Variants in FNDC3B observed in about 807,000 individuals in gnomAD.
The protein encoded by FNDC3B is fibronectin type III domain containing 3B.
Under a neutral mutation model 151.5 loss-of-function variants are expected in FNDC3B, and 12 were observed. That is an observed-to-expected ratio of 0.08 (90% confidence interval 0.05 to 0.13). The LOEUF is 0.13. Among genes scored for constraint, FNDC3B ranks in the 10% least tolerant of loss-of-function variants. FNDC3B has a pLI of 1.00. For missense variants in FNDC3B, 1,214 were observed against 1,505.3 expected, an observed-to-expected ratio of 0.81 and a Z score of 3.20; for synonymous variants, 528 against 549.0, an observed-to-expected ratio of 0.96 and a Z score of 0.54.
At chr3:172,240,439 A>G (rs1194332723) in intron 4 of FNDC3B, among the ~76,000 whole-genome samples, 3 of 152,228 alleles carry the variant, frequency 2.0e-5, no homozygotes, top group African/African-American at 7.2e-5. Context: ...GGGTATTAAA[A>G]GCATAGCAGT....
chr3:172,284,408 T>C (rs751407352), intron 6 of FNDC3B, among the ~76,000 whole-genome samples: 1 of 152,170 alleles, frequency 6.6e-6, no homozygotes, highest in Non-Finnish European at 1.5e-5. Flanking sequence ...CTCAATCTTA[T>C]GTTTGTTAGT....
At chr3:172,194,177 G>A (rs566991109) in intron 3 of FNDC3B, among the ~76,000 whole-genome samples, 4 of 152,138 alleles carry the variant, frequency 2.6e-5, no homozygotes, top group East Asian at 1.9e-4. Context: ...CCGAGATCAC[G>A]CCACTGCACT....
At chr3:172,111,428 A>T (rs1240382188) in intron 1 of FNDC3B, among the ~76,000 whole-genome samples, 1 of 152,220 alleles carries the variant, frequency 6.6e-6, no homozygotes, top group African/African-American at 2.4e-5. Flanking sequence ...ACACCGAATT[A>T]TAAGACCTGT....
intron 22 of FNDC3B, among the ~76,000 whole-genome samples, chr3:172,353,466 T>C (rs907797752): frequency 4.6e-5 from 7 of 152,206 alleles, no homozygotes; most frequent in Admixed American, 1.3e-4. Context: ...GTAAAACTTT[T>C]AAGATTTCTA....
chr3:172,288,952 C>T (rs1185419823), intron 7 of FNDC3B, among the ~76,000 whole-genome samples: 1 of 152,186 alleles, frequency 6.6e-6, no homozygotes. Context: ...CTTGTTCGTG[C>T]CTCCTGCTTT....
intron 3 of FNDC3B, among the ~76,000 whole-genome samples, chr3:172,171,845 C>T (rs1292740398): frequency 6.6e-6 from 1 of 151,088 alleles, no homozygotes; most frequent in Non-Finnish European, 1.5e-5. Flanking sequence ...CAGATGTGTA[C>T]AGGGTTTTAC....
intron 6 of FNDC3B, among the ~76,000 whole-genome samples, chr3:172,267,347 G>A (rs1728978439): frequency 6.6e-6 from 1 of 152,040 alleles, no homozygotes; most frequent in South Asian, 2.1e-4. Context: ...GTAGAGACAG[G>A]GTTTCACCAT....
At chr3:172,275,157 C>T (rs1414773681) in intron 6 of FNDC3B, among the ~76,000 whole-genome samples, 3 of 152,138 alleles carry the variant, frequency 2.0e-5, no homozygotes, top group Admixed American at 1.3e-4. Context: ...AGTTGGAGAT[C>T]AGATGAATGT....
At chr3:172,367,590 C>T (rs989210804) in intron 23 of FNDC3B, among the ~76,000 whole-genome samples, 2 of 152,192 alleles carry the variant, frequency 1.3e-5, no homozygotes, top group Non-Finnish European at 2.9e-5. Flanking sequence ...ACAGGATCAG[C>T]TTGTGCATTT....
rs1726442693 is a variant in FNDC3B at position 172,224,339 on chromosome 3, C to T, written c.188-2532C>T. Among the ~76,000 whole-genome samples, 4 of 152,192 alleles carry T rather than the reference C, an allele frequency of 2.6e-5. No homozygotes were observed. The Middle Eastern group carries it at 0.01, about 388-fold the overall frequency. On this transcript the variant is annotated intron_variant, in intron 3 of 25. Transcript: ENST00000415807. ...GAATTAAATGGGGTCATGCAATGAT[C>T]GATTTTTATGCCATTCTCTTCTTTT...
intron 2 of FNDC3B, among the ~76,000 whole-genome samples, chr3:172,120,279 G>A (rs1258760559): frequency 6.6e-6 from 1 of 152,144 alleles, no homozygotes; most frequent in Non-Finnish European, 1.5e-5. Context: ...AAGGATTAAG[G>A]TAAAATACTG....
intron 3 of FNDC3B, among the ~76,000 whole-genome samples, chr3:172,182,221 A>G (rs1723949188): frequency 6.6e-6 from 1 of 152,186 alleles, no homozygotes; most frequent in Admixed American, 6.5e-5. Context: ...GGCTCAGTGG[A>G]GGAGAACAAT....
At chr3:172,226,305 C>CA (rs199864393) in intron 3 of FNDC3B, among the ~76,000 whole-genome samples, 39,624 of 119,494 alleles carry the variant, frequency 0.33, 6,212 homozygotes, top group Middle Eastern at 0.46. Flanking sequence ...AACTCTGTCT[C>CA]AAAAAAAAAA....
intron 3 of FNDC3B, among the ~76,000 whole-genome samples, chr3:172,160,082 G>C (rs752337916): frequency 3.3e-5 from 5 of 152,172 alleles, no homozygotes; most frequent in Non-Finnish European, 7.3e-5. Context: ...CAGCCTTCTC[G>C]CCTGCCTGTA....
intron 3 of FNDC3B, among the ~76,000 whole-genome samples, chr3:172,155,995 A>C (rs1180435101): frequency 2.0e-5 from 3 of 152,208 alleles, no homozygotes; most frequent in Non-Finnish European, 4.4e-5. Context: ...AAAAGAAAAA[A>C]AATTGCCCAG....
intron 3 of FNDC3B, among the ~76,000 whole-genome samples, chr3:172,174,930 G>GCCCC (rs1163688070): frequency 6.8e-5 from 1 of 14,698 alleles, no homozygotes; most frequent in Non-Finnish European, 1.4e-4. Flanking sequence ...CCTTCCCCCC[G>GCCCC]CCACCCCCCC....
chr3:172,294,643 G>T (rs889028690), intron 7 of FNDC3B, among the ~76,000 whole-genome samples: 1 of 152,186 alleles, frequency 6.6e-6, no homozygotes, highest in Non-Finnish European at 1.5e-5. Flanking sequence ...CCATGCGGGG[G>T]TCTATCAATA....
chr3:172,251,989 C>T (rs887807581), intron 6 of FNDC3B, among the ~76,000 whole-genome samples: 1 of 152,146 alleles, frequency 6.6e-6, no homozygotes, highest in African/African-American at 2.4e-5. Flanking sequence ...AAATATGTTT[C>T]TGTTTAGTTT....
chr3:172,291,696 T>A (rs1730347991), intron 7 of FNDC3B, among the ~76,000 whole-genome samples: 1 of 152,208 alleles, frequency 6.6e-6, no homozygotes, highest in Non-Finnish European at 1.5e-5. Flanking sequence ...GAGATTGACT[T>A]TCTAGTTACG....
Sources: allele counts gnomAD v4.1 joint callset (sites outside exome capture counted in the v4.1 genomes callset), GRCh38; gene constraint gnomAD v4.1.1; transcripts MANE v1.5; gene names NCBI Gene and HGNC (gene_info 2026-07-23, HGNC 2026-07-21).